The following KSR2 variants were observed in gnomAD, a reference collection of about 807,000 sequenced individuals.
KSR2 encodes the protein kinase suppressor of ras 2.
KSR2 carries 25 observed loss-of-function variants against 107.8 expected under a neutral mutation model. That is an observed-to-expected ratio of 0.23 (90% CI 0.17 to 0.32). KSR2 has a LOEUF of 0.32. Ranked by LOEUF, KSR2 falls within the 10% of genes least tolerant of loss-of-function variation. The pLI is 1.00. For missense variants in KSR2, 887 were observed against 1,268.9 expected, an observed-to-expected ratio of 0.70 and a Z score of 4.57; for synonymous variants, 480 against 507.0, an observed-to-expected ratio of 0.95 and a Z score of 0.71.
At chr12:117,636,728 C>T (rs1214435958) in intron 5 of KSR2, among the ~76,000 whole-genome samples, 1 of 152,116 alleles carries the variant, frequency 6.6e-6, no homozygotes, top group Non-Finnish European at 1.5e-5. Flanking sequence ...TAGAACAATA[C>T]GTTTATGACC....
intron 3 of KSR2, among the ~76,000 whole-genome samples, chr12:117,797,536 T>C (rs367566641): frequency 5.9e-5 from 9 of 151,666 alleles, no homozygotes; most frequent in Non-Finnish European, 1.0e-4. Flanking sequence ...TTTGGTGTGA[T>C]GACAATACTT....
chr12:117,959,968 G>T (rs1012006693), intron 1 of KSR2, among the ~76,000 whole-genome samples: 1 of 150,870 alleles, frequency 6.6e-6, no homozygotes, highest in Admixed American at 6.6e-5. Flanking sequence ...GTACCTTAGC[G>T]TCTTAGCAAA....
At chr12:117,533,886 G>A (rs1331877511) in intron 10 of KSR2, among the ~76,000 whole-genome samples, 2 of 152,164 alleles carry the variant, frequency 1.3e-5, no homozygotes, top group Non-Finnish European at 2.9e-5. Flanking sequence ...CTCCCCATGT[G>A]CCATGGAACA....
At chr12:117,534,965 C>T (rs1751029720) in intron 10 of KSR2, among the ~76,000 whole-genome samples, 1 of 152,122 alleles carries the variant, frequency 6.6e-6, no homozygotes, top group Non-Finnish European at 1.5e-5. Context: ...GTTTTTAGCC[C>T]AATGAAGCCC....
At chr12:117,596,068 C>T (rs1369516749) in intron 5 of KSR2, among the ~76,000 whole-genome samples, 8 of 151,858 alleles carry the variant, frequency 5.3e-5, no homozygotes, top group African/African-American at 1.7e-4. Flanking sequence ...CCCTCCCCTC[C>T]CCTCCCCTCT....
chr12:117,835,541 A>G (rs1054665099), intron 3 of KSR2, among the ~76,000 whole-genome samples: 1 of 152,090 alleles, frequency 6.6e-6, no homozygotes, highest in Non-Finnish European at 1.5e-5. Flanking sequence ...CGTCATAATC[A>G]TTATCCTCCT....
chr12:117,802,350 T>TCTCC (rs937430857), intron 3 of KSR2, among the ~76,000 whole-genome samples: 107 of 152,220 alleles, frequency 7.0e-4, no homozygotes, highest in African/African-American at 2.5e-3. Context: ...TCCATGATAA[T>TCTCC]CTCCCCATCT....
At chr12:117,619,239 T>A (rs1035715957) in intron 5 of KSR2, among the ~76,000 whole-genome samples, 10 of 152,106 alleles carry the variant, frequency 6.6e-5, no homozygotes, top group African/African-American at 2.4e-4. Context: ...ACTTTAAGTT[T>A]TAGGGTACAT....
At chr12:117,890,679 T>C (rs920512834) in intron 1 of KSR2, 4 of 152,228 alleles carry the variant, frequency 2.6e-5, no homozygotes, top group Non-Finnish European at 5.9e-5. Flanking sequence ...TTGCATTTGA[T>C]TGCATTTGAT....
At chr12:117,759,787 G>T (rs1201356934) in intron 4 of KSR2, among the ~76,000 whole-genome samples, 3 of 152,150 alleles carry the variant, frequency 2.0e-5, no homozygotes, top group Admixed American at 6.6e-5. Flanking sequence ...TGTCTTCAAG[G>T]TTCACTCATG....
chr12:117,472,754 T>G (rs1871543519), intron 17 of KSR2, among the ~76,000 whole-genome samples: 1 of 152,182 alleles, frequency 6.6e-6, no homozygotes, highest in African/African-American at 2.4e-5. Flanking sequence ...AAGATTATAG[T>G]TATCATAAGA....
chr12:117,636,587 C>T (rs1883090115), intron 5 of KSR2, among the ~76,000 whole-genome samples: 1 of 152,096 alleles, frequency 6.6e-6, no homozygotes, highest in South Asian at 2.1e-4. Context: ...TCAATAAACG[C>T]CACTAGGCAA....
intron 7 of KSR2, among the ~76,000 whole-genome samples, chr12:117,561,438 A>T (rs376819597): frequency 6.6e-6 from 1 of 152,222 alleles, no homozygotes; most frequent in Non-Finnish European, 1.5e-5. Context: ...CCTAAGAAGT[A>T]GCAATTATTG....
At chr12:117,555,433 G>T in intron 8 of KSR2, 140 bp from the exon 9 acceptor site, 1 of 801,000 alleles carries the variant, frequency 1.2e-6, no homozygotes, top group Non-Finnish European at 2.0e-6. Flanking sequence ...TAATGATTCT[G>T]TGGTGGGATC....
intron 4 of KSR2, among the ~76,000 whole-genome samples, chr12:117,701,650 G>C (rs1886323011): frequency 6.6e-6 from 1 of 152,100 alleles, no homozygotes; most frequent in Admixed American, 6.6e-5. Flanking sequence ...TTGTCCAGCT[G>C]GGTCCTACCT....
chr12:117,701,614 A>G (rs1330753823), intron 4 of KSR2, among the ~76,000 whole-genome samples: 1 of 152,190 alleles, frequency 6.6e-6, no homozygotes, highest in Non-Finnish European at 1.5e-5. Flanking sequence ...AATTAAGTTA[A>G]GGATCTTGAG....
At chr12:117,720,281 T>C (rs1887155231) in intron 4 of KSR2, among the ~76,000 whole-genome samples, 1 of 152,198 alleles carries the variant, frequency 6.6e-6, no homozygotes, top group South Asian at 2.1e-4. Context: ...TCTAGGCTGA[T>C]GGCTGTTATC....
At chr12:117,793,869 A>T (rs963040427) in intron 3 of KSR2, among the ~76,000 whole-genome samples, 1 of 140,180 alleles carries the variant, frequency 7.1e-6, no homozygotes, top group Non-Finnish European at 1.5e-5. Context: ...ATATACACCA[A>T]TATGCACACA....
At chr12:117,502,607 T>C (rs1873447753) in intron 14 of KSR2, among the ~76,000 whole-genome samples, 1 of 152,170 alleles carries the variant, frequency 6.6e-6, no homozygotes, top group Non-Finnish European at 1.5e-5. Context: ...GGCAAAATTT[T>C]GTAAATATAC....
Sources: gnomAD v4.1 joint callset for allele counts (sites outside exome capture counted in the v4.1 genomes callset) on GRCh38, gnomAD v4.1.1 for gene constraint, MANE v1.5 for transcripts, NCBI Gene and HGNC (gene_info 2026-07-23, HGNC 2026-07-21) for gene names.